The following APOC2 variants were observed in gnomAD, a reference collection of about 807,000 sequenced individuals.
APOC2 encodes apolipoprotein C-II.
Under a neutral mutation model 10.2 loss-of-function variants are expected in APOC2, and 6 were observed. That is an observed-to-expected ratio of 0.59 (90% CI 0.32 to 1.16). APOC2 has a LOEUF of 1.16. APOC2 is among the 50% of genes most tolerant of loss of function. The pLI is 0.05. For synonymous variants in APOC2, 56 were observed against 48.5 expected, an observed-to-expected ratio of 1.15 and a Z score of -0.64; for missense variants, 110 against 117.6, an observed-to-expected ratio of 0.94 and a Z score of 0.30.
chr19:44,948,889 C>T, intron 3 of APOC2, 29 bp downstream of exon 3: 4 of 1,608,160 alleles, frequency 2.5e-6, no homozygotes, highest in Non-Finnish European at 3.4e-6. Flanking sequence ...GAAATGGGGT[C>T]TGGCCCATAC....
chr19:44,948,367 A>T (rs927067036), intron 1 of APOC2, 99 bp from the exon 2 acceptor site: 2 of 1,028,256 alleles, frequency 1.9e-6, no homozygotes, highest in Admixed American at 3.5e-5. Context: ...CCGAGCTCAC[A>T]CAGAGCAGGA....
At position 44,948,652 on chromosome 19, in the gene APOC2, C is replaced by T. The variant is rs1568634687; in HGVS notation, c.56-49C>T. On this transcript the variant is annotated intron_variant, in intron 2 of 3. Transcript: ENST00000252490. Reference sequence around the variant, plus strand: ...CTCTCCTCTTCTTCCTTCCTCCTTTCCCCCTGCTGCAGCCCCACGGGCTCT... The same window carrying T: ...CTCTCCTCTTCTTCCTTCCTCCTTTTCCCCTGCTGCAGCCCCACGGGCTCT... The T allele has an allele frequency of 3.1e-6, 5 of 1,611,122 alleles. No individual in the cohort carries two copies. The Admixed American group carries it at 8.3e-5, about 27-fold the overall frequency.
chr19:44,948,562 C>T (rs776961967), intron 2 of APOC2, 29 bp downstream of exon 2: 11 of 1,611,982 alleles, frequency 6.8e-6, no homozygotes, highest in Non-Finnish European at 8.5e-7. Context: ...GGAGGGAAGC[C>T]TTGGGGAGGG....
At position 44,948,713 on chromosome 19, in the gene APOC2, C is replaced by T. The variant is rs994371401; in HGVS notation, c.68C>T (p.Thr23Ile). The T allele has an allele frequency of 6.2e-6, 10 of 1,613,992 alleles. No homozygotes were observed. In the Admixed American group the frequency reaches 1.5e-4, roughly 24 times the overall value. The part of the protein sequence containing the change: ...LLVLGFEVQG[T>I]QQPQQDEMPS... ...TCTCCCCCTGCAGAGGTCCAGGGGACCCAACAGCCCCAGCAAGATGAGATG... is the reference window on the plus strand; with the variant it reads ...TCTCCCCCTGCAGAGGTCCAGGGGATCCAACAGCCCCAGCAAGATGAGATG... The change falls in exon 3 of 4, where the codon ACC becomes ATC. Residue 23 changes from threonine to isoleucine, a missense_variant. By Grantham distance (89) the Thr-to-Ile change is moderately conservative (BLOSUM62 -1). Transcript: ENST00000252490.
intron 1 of APOC2, among the ~76,000 whole-genome samples, chr19:44,946,422 G>C (rs1365859990): frequency 6.6e-6 from 1 of 152,138 alleles, no homozygotes; most frequent in African/African-American, 2.4e-5. Flanking sequence ...TAGGGTGGCT[G>C]AGGTGGGGAG....
At position 44,948,521 on chromosome 19, in the gene APOC2, G is replaced by T. The variant is rs1970347506; in HGVS notation, c.43G>T (p.Val15Leu). 3 of 1,614,006 alleles carry T rather than the reference G, an allele frequency of 1.9e-6. No individual in the cohort carries two copies. The highest frequency in any genetic ancestry group is 1.7e-5 in the Admixed American group (1 of 60,000). Residue 15 changes from valine to leucine, a missense_variant, in exon 2 of 4, where the codon GTA becomes TTA. Transcript: ENST00000252490. Reference sequence around the variant, plus strand: ...CCCAGCTCTGTTTCTTGTCCTCCTGGTATTGGGATTTGGTGAGTGTGGGCT... The same window carrying T: ...CCCAGCTCTGTTTCTTGTCCTCCTGTTATTGGGATTTGGTGAGTGTGGGCT... ...LLPALFLVLL[V>L]LGFEVQGTQQ...
chr19:44,949,368 A>G lies in APOC2; in HGVS notation c.*119A>G. 1.3e-6 allele frequency: 1 copy of G among 770,472 alleles called. No homozygotes were observed. Among genetic ancestry groups the G allele is most frequent in the Non-Finnish European group, 2.3e-6 (1 of 443,716 alleles). The allele number at this position is 770,472 out of a possible 1,614,324, so 47.7% of individuals were successfully genotyped here. A position where few individuals can be genotyped will look rare whatever the true frequency, so the allele number is the denominator to read the frequency against. On this transcript the variant is annotated 3_prime_UTR_variant, in exon 4 of 4. Coordinates refer to ENST00000252490, the MANE Select transcript of APOC2 (RefSeq NM_000483.5). The stretch of plus-strand genomic sequence containing the variant: ...CATCCTCCTCCCAACTCTAGCCTGA[A>G]TTCTTTTCAATAAAAAATACAATTC...
At chr19:44,946,715 CAG>C (rs1225932148) in intron 1 of APOC2, among the ~76,000 whole-genome samples, 7 of 151,734 alleles carry the variant, frequency 4.6e-5, no homozygotes, top group Admixed American at 4.6e-4. Flanking sequence ...CCAGCTATTC[CAG>C]AGGCTGAGAC....
rs748852495 is a variant in APOC2 at position 44,948,055 on chromosome 19, C to T, written c.-13-411C>T. On this transcript the variant is annotated intron_variant, in intron 1 of 3. Coordinates refer to ENST00000252490, the MANE Select transcript of APOC2 (RefSeq NM_000483.5). ...CTGCACTCCAGCCTGGGTGACAGAG[C>T]GAGACTCCATCTCAAAAAATACGAA... is the stretch of plus-strand genomic sequence containing the variant. Among the ~76,000 whole-genome samples, 8 of 150,744 alleles carry T rather than the reference C, an allele frequency of 5.3e-5. No individual in the cohort carries two copies. In the East Asian group the frequency reaches 7.8e-4, roughly 15 times the overall value.
intron 1 of APOC2, among the ~76,000 whole-genome samples, chr19:44,946,328 A>C (rs1242397044): frequency 1.3e-5 from 2 of 151,740 alleles, no homozygotes; most frequent in African/African-American, 2.4e-5. Flanking sequence ...CAGCCTCCCC[A>C]GTAGCTGGGA....
At position 44,946,226 on chromosome 19, in the gene APOC2, T is replaced by A. The variant is rs1377388002; in HGVS notation, c.-14+151T>A. ...GTGTGTGTGTGTGTGTGTGTGTGTGTGTGTGTGTGAGAGAGAGAGAGAGGG... is the reference window on the plus strand; with the variant it reads ...GTGTGTGTGTGTGTGTGTGTGTGTGAGTGTGTGTGAGAGAGAGAGAGAGGG... On this transcript the variant is annotated intron_variant, in intron 1 of 3. Coordinates refer to ENST00000252490, the MANE Select transcript of APOC2 (RefSeq NM_000483.5). Among the ~76,000 whole-genome samples the A allele has an allele frequency of 5.3e-3, 704 of 133,000 alleles. 6 individuals carry two copies. Among genetic ancestry groups the A allele is most frequent in the African/African-American group, 0.017 (654 of 37,624 alleles). 87.3% of individuals were successfully genotyped at this position (133,000 alleles called of 152,430 possible).
chr19:44,948,957 A>G, intron 3 of APOC2, 97 bp downstream of exon 3: 14 of 1,537,176 alleles, frequency 9.1e-6, no homozygotes, highest in Non-Finnish European at 1.2e-5. Flanking sequence ...CCTCAGACCC[A>G]GGAGTCCAGG....
chr19:44,949,538 T>C lies in APOC2; in HGVS notation c.*289T>C, dbSNP rs528576295. 1.9e-4 allele frequency: 84 copies of C among 436,814 alleles called. 1 individual carries two copies. In the South Asian group the frequency reaches 2.2e-3, roughly 12 times the overall value. The allele number at this position is 436,814 out of a possible 1,614,324, so 27.1% of individuals were successfully genotyped here. ...GGGTCCATGGGAATAAAGCAGTGAA[T>C]AGTAACAATAAATAATCGTAACAGC... is the stretch of plus-strand genomic sequence containing the variant. On this transcript the variant is annotated 3_prime_UTR_variant, in exon 4 of 4. Transcript: ENST00000252490.
chr19:44,948,147 A>T, intron 1 of APOC2: 1 of 274,566 alleles, frequency 3.6e-6, no homozygotes, highest in Admixed American at 4.6e-5. Flanking sequence ...GAGGCAGGAG[A>T]ATTGCTTGAA....
chr19:44,946,208 T>TGG (rs1472937984), intron 1 of APOC2, 133 bp downstream of exon 1: 1 of 104,106 alleles, frequency 9.6e-6, no homozygotes, highest in African/African-American at 3.0e-5. Context: ...TGTGTGTGTG[T>TGG]GTGTGTGTGT....
At chr19:44,946,838 G>T (rs1028879859) in intron 1 of APOC2, among the ~76,000 whole-genome samples, 2 of 151,938 alleles carry the variant, frequency 1.3e-5, no homozygotes, top group Admixed American at 1.3e-4. Context: ...AAAAAAGAAT[G>T]AAAAAATTTA....
chr19:44,948,379 C>A, intron 1 of APOC2, 87 bp from the exon 2 acceptor site: 1 of 1,142,086 alleles, frequency 8.8e-7, no homozygotes, highest in Non-Finnish European at 1.3e-6. Context: ...AGAGCAGGAT[C>A]TCAGTCCCCC....
intron 1 of APOC2, among the ~76,000 whole-genome samples, chr19:44,947,561 C>T (rs188175781): frequency 4.6e-5 from 7 of 152,146 alleles, no homozygotes; most frequent in East Asian, 1.9e-4. Flanking sequence ...CTGGGGAGGC[C>T]GAGATGGGAG....
At chr19:44,946,234 T>TGTGTGTGTGTGTGTGTGTGA (rs1236986911) in intron 1 of APOC2, among the ~76,000 whole-genome samples, 159 bp downstream of exon 1, 103 of 132,882 alleles carry the variant, frequency 7.8e-4, no homozygotes, top group African/African-American at 2.9e-3. Context: ...TGTGTGTGTG[T>TGTGTGTGTGTGTGTGTGTGA]GAGAGAGAGA....
Sources: allele counts gnomAD v4.1 joint callset (sites outside exome capture counted in the v4.1 genomes callset), GRCh38; gene constraint gnomAD v4.1.1; transcripts MANE v1.5; gene names NCBI Gene and HGNC (gene_info 2026-07-23, HGNC 2026-07-21).